Variants in CAPN9 observed in about 807,000 individuals in gnomAD.
The protein encoded by CAPN9 is calpain 9, also known as calpain-9.
In CAPN9, 81 loss-of-function variants were observed where a neutral mutation model predicts 92.8. The observed-to-expected ratio is 0.87, with a 90% CI of 0.73 to 1.05. The LOEUF (loss-of-function observed/expected upper bound fraction) is 1.05, where lower values mean the gene tolerates loss of function less well. Ranked by LOEUF, CAPN9 falls within the 50% of genes least tolerant of loss-of-function variation. The pLI, the probability that CAPN9 is intolerant of heterozygous loss-of-function variation, is 0.00. For missense variants in CAPN9, 848 were observed against 866.2 expected (o/e 0.98, Z 0.26); for synonymous variants, 304 against 328.0 (o/e 0.93, Z 0.79).
chr1:230,771,657 A>C (rs1252439122), intron 6 of CAPN9, among the ~76,000 whole-genome samples: 1 of 152,194 alleles, frequency 6.6e-6, no homozygotes, highest in African/African-American at 2.4e-5. Flanking sequence ...GATGCCTAAG[A>C]CTTGGCTCCT....
rs1572104244 is a variant in CAPN9, at chr1:230,800,061, C to T, written c.2047-1509C>T. The stretch of plus-strand genomic sequence containing the variant: ...GGCATGGTGGCGGGCGCCTGTAGTC[C>T]CAGCTACTCGGGAGGCTGAGGCAGG... On this transcript the variant is annotated intron_variant, in intron 19 of 19. Coordinates refer to ENST00000271971, the MANE Select transcript of CAPN9 (RefSeq NM_006615.3). Among the ~76,000 whole-genome samples, 4 of 151,886 alleles carry T rather than the reference C, an allele frequency of 2.6e-5. No individual in the cohort carries two copies. In the South Asian group the frequency reaches 8.4e-4, roughly 32 times the overall value.
chr1:230,780,487 T>C lies in CAPN9; in HGVS notation c.1273-13T>C. The C allele has an allele frequency of 1.2e-6, 2 of 1,613,496 alleles. No individual in the cohort carries two copies. The highest frequency in any genetic ancestry group is 2.2e-5 in the South Asian group (2 of 91,048). On this transcript the variant is annotated splice_polypyrimidine_tract_variant and intron_variant, in intron 10 of 19. Coordinates refer to ENST00000271971, the MANE Select transcript of CAPN9 (RefSeq NM_006615.3). ...CTTCCCTAGGAAACCCCTCCCTTTC[T>C]TGCCCATTGCAGTGCCCTGACAAAG...
rs763359548 is a variant in CAPN9 at position 230,747,716 on chromosome 1, G to A, written c.213+7G>A. Reference sequence around the variant, plus strand: ...TGTGTGGAAACGACCAGGGGTGAGTGGGGCGAGCAGGGGAAGGAGCATAGA... The same window carrying A: ...TGTGTGGAAACGACCAGGGGTGAGTAGGGCGAGCAGGGGAAGGAGCATAGA... On this transcript the variant is annotated splice_region_variant and intron_variant, in intron 1 of 19. Transcript: ENST00000271971. The A allele has an allele frequency of 2.5e-6, 4 of 1,612,770 alleles. No individual in the cohort carries two copies. The East Asian group carries it at 6.7e-5, about 27-fold the overall frequency.
chr1:230,797,863 A>AC (rs1558122203), intron 18 of CAPN9, among the ~76,000 whole-genome samples: 1 of 151,768 alleles, frequency 6.6e-6, no homozygotes, highest in East Asian at 1.9e-4. Context: ...AGGGCCCTGT[A>AC]CCCCCCAGAA....
At chr1:230,772,636 G>C (rs1666463803) in intron 7 of CAPN9, among the ~76,000 whole-genome samples, 1 of 152,260 alleles carries the variant, frequency 6.6e-6, no homozygotes, top group East Asian at 1.9e-4. Flanking sequence ...CAACACGTCA[G>C]CAAGCCGAGG....
intron 19 of CAPN9, among the ~76,000 whole-genome samples, chr1:230,800,283 A>T (rs534555072): frequency 0.023 from 3,015 of 130,894 alleles, 139 homozygotes; most frequent in Middle Eastern, 0.091. Flanking sequence ...AGAAAGAAAG[A>T]AAGAAAGAAA....
intron 6 of CAPN9, 42 bp from the exon 7 acceptor site, chr1:230,771,972 A>G (rs1402362718): frequency 6.5e-7 from 1 of 1,537,852 alleles, no homozygotes; most frequent in Non-Finnish European, 9.0e-7. Flanking sequence ...AACCTCCACC[A>G]TATTTATCAT....
intron 4 of CAPN9, among the ~76,000 whole-genome samples, chr1:230,765,721 A>G (rs997523895): frequency 1.3e-4 from 20 of 152,194 alleles, no homozygotes; most frequent in Admixed American, 9.2e-4. Flanking sequence ...ATAAATATCA[A>G]TGGGTTCATA....
intron 14 of CAPN9, 59 bp downstream of exon 14, chr1:230,790,248 G>C (rs1163486191): frequency 2.5e-6 from 4 of 1,596,754 alleles, no homozygotes; most frequent in Middle Eastern, 3.3e-4. Context: ...CGACCACACT[G>C]CCTGGGTCCC....
intron 11 of CAPN9, among the ~76,000 whole-genome samples, chr1:230,784,011 G>T (rs1339672553): frequency 1.3e-5 from 2 of 152,212 alleles, no homozygotes; most frequent in African/African-American, 4.8e-5. Context: ...TGGCTGAATT[G>T]TGTCCATGCC....
Position 230,780,303 on chromosome 1 carries a change from C to T in CAPN9, c.1239C>T (p.Ala413=). ...KDRRKLKRFG[A]NVLTIGYAIY... is the part of the protein sequence containing the mutation. ...GAAGGAAACTCAAGAGATTTGGTGC[C>T]AATGTGCTGACAATCGGCTATGCCA... Residue 413 remains alanine, a synonymous_variant, in exon 10 of 20, where the codon GCC becomes GCT. Transcript: ENST00000271971. 2 of 1,614,116 alleles carry T rather than the reference C, an allele frequency of 1.2e-6. No individual in the cohort carries two copies. Among genetic ancestry groups the T allele is most frequent in the Non-Finnish European group, 1.7e-6 (2 of 1,180,016 alleles).
At chr1:230,759,013 A>T (rs1289503188) in intron 2 of CAPN9, among the ~76,000 whole-genome samples, 2 of 152,244 alleles carry the variant, frequency 1.3e-5, no homozygotes, top group African/African-American at 4.8e-5. Flanking sequence ...TAAATCTTGA[A>T]AATGCAAGAT....
intron 18 of CAPN9, among the ~76,000 whole-genome samples, chr1:230,797,000 A>C (rs903360696): frequency 6.6e-6 from 1 of 152,202 alleles, no homozygotes; most frequent in Middle Eastern, 3.2e-3. Context: ...TCAACCCTCC[A>C]GTTAGATATA....
In CAPN9 at chr1:230,751,534, A is replaced by G. The variant is rs567393471; in HGVS notation, c.214-3803A>G. ...AGGAAGGAAGGAGAGAAAGAGAAAG[A>G]AAGATAGAAAAAAAGAAAGGAAGAA... On this transcript the variant is annotated intron_variant, in intron 1 of 19. Coordinates refer to ENST00000271971, the MANE Select transcript of CAPN9 (RefSeq NM_006615.3). Among the ~76,000 whole-genome samples the G allele has an allele frequency of 2.2e-5, 3 of 133,794 alleles. No homozygotes were observed. The East Asian group carries it at 6.2e-4, about 28-fold the overall frequency. The allele number at this position is 133,794 out of a possible 152,430, so 87.8% of individuals were successfully genotyped here. A position where few individuals can be genotyped will look rare whatever the true frequency, so the allele number is the denominator to read the frequency against.
At chr1:230,781,907 A>G (rs1667252733) in intron 11 of CAPN9, among the ~76,000 whole-genome samples, 1 of 152,260 alleles carries the variant, frequency 6.6e-6, no homozygotes, top group African/African-American at 2.4e-5. Flanking sequence ...TCTTGGCTAA[A>G]TAGATGCAGA....
chr1:230,778,008 A>T (rs1666938731), intron 8 of CAPN9, among the ~76,000 whole-genome samples: 1 of 152,142 alleles, frequency 6.6e-6, no homozygotes, highest in African/African-American at 2.4e-5. Flanking sequence ...TCCTTTCCCC[A>T]GGATTCCAGA....
At chr1:230,786,478 C>G (rs1020231701) in intron 12 of CAPN9, among the ~76,000 whole-genome samples, 2 of 152,154 alleles carry the variant, frequency 1.3e-5, no homozygotes, top group Non-Finnish European at 2.9e-5. Context: ...CTACAAAGAT[C>G]AATAACAAAA....
intron 19 of CAPN9, among the ~76,000 whole-genome samples, chr1:230,800,291 AAAGAAAG>A (rs1213498496): frequency 9.6e-6 from 1 of 104,646 alleles, no homozygotes; most frequent in East Asian, 2.2e-4. Context: ...AGAAAGAAAG[AAAGAAAG>A]AAAGAAAGGA....
intron 5 of CAPN9, among the ~76,000 whole-genome samples, chr1:230,768,054 AAAAAATAAAAT>A (rs1666121377): frequency 1.2e-5 from 1 of 81,606 alleles, no homozygotes; most frequent in Admixed American, 1.3e-4. Flanking sequence ...ATAAATAAAT[AAAAAATAAAAT>A]AAAATAAAAT....
Sources: allele counts gnomAD v4.1 joint callset (sites outside exome capture counted in the v4.1 genomes callset), GRCh38; gene constraint gnomAD v4.1.1; transcripts MANE v1.5; gene names NCBI Gene and HGNC (gene_info 2026-07-23, HGNC 2026-07-21).